AFF3: variants seen among roughly 807,000 people sequenced by gnomAD.
The protein encoded by AFF3 is AF4/FMR2 family member 3.
In AFF3, 32 loss-of-function variants were observed where a neutral mutation model predicts 129.7. The ratio of observed to expected loss-of-function variants is 0.25; its 90% confidence interval spans 0.19 to 0.33. The LOEUF (loss-of-function observed/expected upper bound fraction) is 0.33. Ranked by LOEUF, AFF3 falls within the 10% of genes least tolerant of loss-of-function variation. The probability of loss-of-function intolerance (pLI) is 1.00; values close to 1 mark genes in which losing one functional copy is unlikely to be tolerated. For synonymous variants in AFF3, 644 were observed against 635.4 expected, an observed-to-expected ratio of 1.01 and a Z score of -0.20; for missense variants, 1,373 against 1,592.0, an observed-to-expected ratio of 0.86 and a Z score of 2.34.
At chr2:100,050,112 T>G (rs1014311840) in intron 4 of AFF3, among the ~76,000 whole-genome samples, 2 of 151,330 alleles carry the variant, frequency 1.3e-5, no homozygotes, top group African/African-American at 4.9e-5. Context: ...CTTAGGAGGC[T>G]GAGACAAGAG....
intron 11 of AFF3, among the ~76,000 whole-genome samples, chr2:99,687,093 A>G (rs1231632079): frequency 6.6e-6 from 1 of 152,232 alleles, no homozygotes; most frequent in Admixed American, 6.5e-5. Flanking sequence ...CTGTCCCAGG[A>G]TCTTTTAAAC....
chr2:99,634,998 CACACAT>C (rs1444902522), intron 13 of AFF3, among the ~76,000 whole-genome samples: 6 of 149,238 alleles, frequency 4.0e-5, no homozygotes, highest in South Asian at 4.2e-4. Flanking sequence ...CACACACACA[CACACAT>C]ATGGTTGCTG....
At chr2:99,935,761 A>C (rs1230050297) in intron 7 of AFF3, among the ~76,000 whole-genome samples, 1 of 152,202 alleles carries the variant, frequency 6.6e-6, no homozygotes, top group Non-Finnish European at 1.5e-5. Flanking sequence ...GTCTGCCCTC[A>C]AGAGAAGCTG....
rs574320513 is a variant in AFF3, at chr2:99,933,825, G to C, written c.873+72807C>G. On this transcript the variant is annotated intron_variant, in intron 7 of 24. Coordinates refer to ENST00000672756, the MANE Select transcript of AFF3 (RefSeq NM_001386135.1). The stretch of plus-strand genomic sequence containing the variant: ...AAACATACATGTACATGTGTGAAAG[G>C]CTCTTTCAAATACGAGACTTGACAT... Among the ~76,000 whole-genome samples the C allele has an allele frequency of 5.8e-4, 88 of 152,216 alleles. No individual in the cohort carries two copies. The Middle Eastern group carries it at 0.01, about 18-fold the overall frequency.
At chr2:99,757,295 T>C (rs1575885749) in intron 8 of AFF3, among the ~76,000 whole-genome samples, 1 of 152,172 alleles carries the variant, frequency 6.6e-6, no homozygotes, top group South Asian at 2.1e-4. Flanking sequence ...CGATTCAAAC[T>C]CACCATGTTT....
At chr2:99,943,344 T>G (rs1675241723) in intron 7 of AFF3, among the ~76,000 whole-genome samples, 1 of 152,204 alleles carries the variant, frequency 6.6e-6, no homozygotes, top group Non-Finnish European at 1.5e-5. Context: ...AATAGCTTCA[T>G]CACAAATACC....
chr2:100,066,770 A>T (rs1687755266), intron 4 of AFF3, among the ~76,000 whole-genome samples: 1 of 152,202 alleles, frequency 6.6e-6, no homozygotes, highest in Non-Finnish European at 1.5e-5. Flanking sequence ...AAGAAATCAG[A>T]TATCCTTTCT....
intron 11 of AFF3, among the ~76,000 whole-genome samples, chr2:99,675,756 C>G (rs1045164571): frequency 6.6e-6 from 1 of 152,196 alleles, no homozygotes; most frequent in Non-Finnish European, 1.5e-5. Flanking sequence ...GGCCAGCAGA[C>G]AGCAGGCATG....
At chr2:99,858,548 C>T (rs1488729634) in intron 7 of AFF3, among the ~76,000 whole-genome samples, 1 of 151,946 alleles carries the variant, frequency 6.6e-6, no homozygotes, top group Non-Finnish European at 1.5e-5. Flanking sequence ...GAGACCTTGT[C>T]TTAAGAAAAA....
intron 7 of AFF3, among the ~76,000 whole-genome samples, chr2:99,853,048 CA>C (rs1313151070): frequency 6.6e-6 from 1 of 152,050 alleles, no homozygotes; most frequent in African/African-American, 2.4e-5. Context: ...GGCAGTATTG[CA>C]AAATGCAAAT....
At chr2:99,786,819 A>G (rs1684827975) in intron 8 of AFF3, among the ~76,000 whole-genome samples, 1 of 152,182 alleles carries the variant, frequency 6.6e-6, no homozygotes. Context: ...TTTAGCTGCA[A>G]TGGCTGAATT....
chr2:99,572,602 A>T (rs1676605361), intron 18 of AFF3: 2 of 455,700 alleles, frequency 4.4e-6, no homozygotes, highest in South Asian at 3.1e-5. Flanking sequence ...TTTCTTAGGG[A>T]AGTTGAAATC....
chr2:100,064,623 T>C (rs931680546), intron 4 of AFF3, among the ~76,000 whole-genome samples: 10 of 152,214 alleles, frequency 6.6e-5, no homozygotes, highest in Non-Finnish European at 1.3e-4. Flanking sequence ...TACCTATGCA[T>C]TGCAAGTTGC....
At chr2:100,136,926 T>C (rs1375938811) in intron 1 of AFF3, among the ~76,000 whole-genome samples, 1 of 152,180 alleles carries the variant, frequency 6.6e-6, no homozygotes, top group East Asian at 1.9e-4. Context: ...GGTCTTGTGG[T>C]GTTTCCTCTT....
chr2:100,119,958 C>G (rs1282713231), intron 2 of AFF3, among the ~76,000 whole-genome samples: 3 of 152,198 alleles, frequency 2.0e-5, no homozygotes, highest in African/African-American at 4.8e-5. Flanking sequence ...TAAAGACTAT[C>G]CTGATGGGGA....
chr2:99,891,885 T>G (rs1212190650), intron 7 of AFF3, among the ~76,000 whole-genome samples: 2 of 151,586 alleles, frequency 1.3e-5, no homozygotes, highest in Admixed American at 6.6e-5. Flanking sequence ...TGCACTGGCA[T>G]GATCTCAGCT....
At chr2:99,659,549 T>C (rs535239887) in intron 12 of AFF3, among the ~76,000 whole-genome samples, 25 of 152,314 alleles carry the variant, frequency 1.6e-4, no homozygotes, top group African/African-American at 5.8e-4. Context: ...GGCAGGTCTT[T>C]TCTAGAGGTC....
At chr2:100,060,881 AGAGCTCAT>A (rs1687217501) in intron 4 of AFF3, among the ~76,000 whole-genome samples, 1 of 152,198 alleles carries the variant, frequency 6.6e-6, no homozygotes, top group Admixed American at 6.5e-5. Context: ...CACTACGTTT[AGAGCTCAT>A]GGCTCCTTTG....
intron 15 of AFF3, among the ~76,000 whole-genome samples, chr2:99,588,407 G>A (rs1678338297): frequency 6.6e-6 from 1 of 152,050 alleles, no homozygotes; most frequent in African/African-American, 2.4e-5. Flanking sequence ...CAAACTCCTG[G>A]GCTCAAGCGA....
Sources: gnomAD v4.1 joint callset for allele counts (sites outside exome capture counted in the v4.1 genomes callset) on GRCh38, gnomAD v4.1.1 for gene constraint, MANE v1.5 for transcripts, NCBI Gene and HGNC (gene_info 2026-07-23, HGNC 2026-07-21) for gene names.